PLXNA1: variants seen among roughly 807,000 people sequenced by gnomAD.
PLXNA1 encodes the protein plexin-A1.
In PLXNA1, 77 loss-of-function variants were observed where a neutral mutation model predicts 191.7. The observed-to-expected ratio is 0.40, with a 90% CI of 0.33 to 0.49. PLXNA1 has a LOEUF of 0.49. Among genes scored for constraint, PLXNA1 ranks in the 20% least tolerant of loss-of-function variants. The pLI is 0.63. For missense variants in PLXNA1, 2,110 were observed against 2,660.2 expected (o/e 0.79, Z 4.55); for synonymous variants, 1,137 against 1,156.4 (o/e 0.98, Z 0.34).
chr3:127,011,368 C>T (rs1224957165), intron 9 of PLXNA1, among the ~76,000 whole-genome samples: 1 of 152,176 alleles, frequency 6.6e-6, no homozygotes, highest in Non-Finnish European at 1.5e-5. Flanking sequence ...TGGAAAATCT[C>T]TGCAGAGCTG....
In PLXNA1 at chr3:127,014,200, C is replaced by T. The variant is rs1475759518; in HGVS notation, c.2429C>T (p.Pro810Leu). The T allele has an allele frequency of 2.7e-5, 44 of 1,608,708 alleles. No homozygotes were observed. Among genetic ancestry groups the T allele is most frequent in the Admixed American group, 3.3e-5 (2 of 59,762 alleles). ...CCCACAGCGCACCTCTACAAGTGCC[C>T]GGCCCTGCGCGAGAGCTGCGGCCTC... is the stretch of plus-strand genomic sequence containing the variant. ...QNIQAHLYKC[P>L]ALRESCGLCL... Residue 810 changes from proline (P) to leucine (L), a missense_variant, in exon 12 of 32, where the codon CCG (proline) becomes CTG (leucine). This residue lies in a region of PLXNA1 where 644 missense variants were observed against 714.3 expected (regional missense o/e 0.90). Transcript: ENST00000393409.
intron 15 of PLXNA1, among the ~76,000 whole-genome samples, chr3:127,015,565 TC>T (rs1388806338): frequency 6.6e-6 from 1 of 152,198 alleles, no homozygotes; most frequent in African/African-American, 2.4e-5. Context: ...CCCTGGTTCT[TC>T]CCTGTGGGGA....
In PLXNA1 at chr3:127,029,238, T is replaced by C. The variant is rs2079193511; in HGVS notation, c.4773+142T>C. ...GAGGGGAGGTGGTCACTTATGTGTG[T>C]GGACCGTCCCAGGACTCGAGCTGGG... On this transcript the variant is annotated intron_variant, in intron 26 of 31. Transcript: ENST00000393409. 3 of 809,268 alleles carry C rather than the reference T, an allele frequency of 3.7e-6. No individual in the cohort carries two copies. In the African/African-American group the frequency reaches 5.1e-5, roughly 14 times the overall value. The allele number at this position is 809,268 out of a possible 1,614,324, so 50.1% of individuals were successfully genotyped here. A position where few individuals can be genotyped will look rare whatever the true frequency, so the allele number is the denominator to read the frequency against.
At chr3:127,022,994 C>T (rs1420116790) in intron 23 of PLXNA1, among the ~76,000 whole-genome samples, 176 bp downstream of exon 23, 1 of 152,236 alleles carries the variant, frequency 6.6e-6, no homozygotes, top group African/African-American at 2.4e-5. Flanking sequence ...TCCTGGCTCC[C>T]GGCTCCCTCC....
rs2079097772 is a variant in PLXNA1 at position 127,011,941 on chromosome 3, A to T, written c.2113-17A>T. ...GGTCTCCGCCCCCGGGCTCAGCCAA[A>T]CTCTTCTTATCCCCAGGACTGCCCA... On this transcript the variant is annotated splice_polypyrimidine_tract_variant and intron_variant, in intron 9 of 31. Coordinates refer to ENST00000393409, the MANE Select transcript of PLXNA1 (RefSeq NM_032242.4). The T allele has an allele frequency of 6.2e-7, 1 of 1,606,602 alleles. No homozygotes were observed. The highest frequency in any genetic ancestry group is 1.7e-5 in the Admixed American group (1 of 59,898).
At chr3:126,986,126 G>A (rs904484218) in intron 1 of PLXNA1, among the ~76,000 whole-genome samples, 2 of 152,384 alleles carry the variant, frequency 1.3e-5, no homozygotes, top group South Asian at 4.1e-4. Flanking sequence ...TATCCCAGAG[G>A]AGGGGAGAGC....
chr3:126,997,590 TG>T (rs2079020071), intron 3 of PLXNA1, among the ~76,000 whole-genome samples: 1 of 152,218 alleles, frequency 6.6e-6, no homozygotes, highest in African/African-American at 2.4e-5. Flanking sequence ...CACGGTAACC[TG>T]CCGACATCTG....
intron 1 of PLXNA1, among the ~76,000 whole-genome samples, chr3:126,983,776 T>C (rs2107618312): frequency 6.6e-6 from 1 of 151,798 alleles, no homozygotes; most frequent in African/African-American, 2.4e-5. Flanking sequence ...CTCAGACCTC[T>C]GGCCGCGGGC....
chr3:127,011,922 C>A (rs144300282), intron 9 of PLXNA1, 36 bp from the exon 10 acceptor site: 1 of 1,592,878 alleles, frequency 6.3e-7, no homozygotes, highest in South Asian at 1.1e-5. Context: ...CACTGGTCTC[C>A]GCCCCCGGGC....
At chr3:127,009,795 A>G (rs1470321848) in intron 9 of PLXNA1, among the ~76,000 whole-genome samples, 2 of 152,000 alleles carry the variant, frequency 1.3e-5, no homozygotes, top group African/African-American at 4.8e-5. Flanking sequence ...GTGCATGTTG[A>G]TGGGAAGGGC....
At position 127,017,799 on chromosome 3, in the gene PLXNA1, G is replaced by A. The variant is rs913917460; in HGVS notation, c.3567G>A (p.Thr1189=). 2.5e-5 allele frequency: 40 copies of A among 1,613,036 alleles called. No homozygotes were observed. Among genetic ancestry groups the A allele is most frequent in the Non-Finnish European group, 2.8e-5 (33 of 1,180,012 alleles). Residue 1189 remains threonine (T), a synonymous_variant, in exon 19 of 32, where the codon ACG becomes ACA. Transcript: ENST00000393409. ...PAPGNSRLNY[T]VLIGSTPCTL... is the part of the protein sequence containing the mutation. ...CCGGCAACTCCCGACTCAACTACAC[G>A]GTGCTCATCGGCTCCACACCCTGTA...
intron 29 of PLXNA1, among the ~76,000 whole-genome samples, chr3:127,030,942 G>A (rs942934503): frequency 2.6e-5 from 4 of 152,194 alleles, no homozygotes; most frequent in African/African-American, 9.7e-5. Flanking sequence ...AGCCTGCACC[G>A]TGCACAGCTA....
rs372511113 is a variant in PLXNA1, at chr3:127,005,105, T to G, written c.1759T>G (p.Trp587Gly). 8 of 1,612,640 alleles carry G rather than the reference T, an allele frequency of 5.0e-6. No homozygotes were observed. The African/African-American group carries it at 1.1e-4, about 22-fold the overall frequency. Residue 587 changes from tryptophan (W) to glycine (G), a missense_variant, in exon 7 of 32, where the codon TGG becomes GGG. Around this residue, in one of 4 missense-constraint regions of PLXNA1, gnomAD observed 903 missense variants for 1,015.7 expected, o/e 0.89. Coordinates refer to ENST00000393409, the MANE Select transcript of PLXNA1 (RefSeq NM_032242.4). ...MSQVPLVLQA[W>G]NVPDLSAGVN... is the part of the protein sequence containing the mutation. ...GCCTGCCCAGCTTGTGCTGCAGGCCTGGAACGTGCCTGACCTCTCAGCTGG... is the reference window on the plus strand; with the variant it reads ...GCCTGCCCAGCTTGTGCTGCAGGCCGGGAACGTGCCTGACCTCTCAGCTGG...
At chr3:127,017,948 C>T in intron 19 of PLXNA1, 56 bp downstream of exon 19, 2 of 1,596,572 alleles carry the variant, frequency 1.3e-6, no homozygotes, top group East Asian at 4.5e-5. Flanking sequence ...ACCTGTGGAC[C>T]CTGCCCCACT....
chr3:127,034,045 G>A lies in PLXNA1; in HGVS notation c.*28G>A. 1 of 1,559,356 alleles carries A rather than the reference G, an allele frequency of 6.4e-7. No homozygotes were observed. Among genetic ancestry groups the A allele is most frequent in the Non-Finnish European group, 8.7e-7 (1 of 1,147,848 alleles). ...CCCAGCTGTGATCATCCAGCATGAT[G>A]CAGCGTGAGGACAGCTGAGCAGGGA... On this transcript the variant is annotated 3_prime_UTR_variant, in exon 32 of 32. Coordinates refer to ENST00000393409, the MANE Select transcript of PLXNA1 (RefSeq NM_032242.4).
rs144467495 is a variant in PLXNA1, at chr3:127,016,210, G to A, written c.3015-307G>A. On this transcript the variant is annotated intron_variant, in intron 15 of 31. Coordinates refer to ENST00000393409, the MANE Select transcript of PLXNA1 (RefSeq NM_032242.4). ...GAGGCCTGGTGGGTGTGGAGCCCTG[G>A]CCAGGGTCACCAGGAGTGGGTGTGG... is the stretch of plus-strand genomic sequence containing the variant. Among the ~76,000 whole-genome samples, 1,074 of 152,242 alleles carry A rather than the reference G, an allele frequency of 7.1e-3. 12 individuals carry two copies. Among genetic ancestry groups the A allele is most frequent in the African/African-American group, 0.025 (1,022 of 41,544 alleles).
chr3:127,008,996 C>T (rs1320614844), intron 9 of PLXNA1, among the ~76,000 whole-genome samples: 4 of 152,136 alleles, frequency 2.6e-5, no homozygotes. Flanking sequence ...GGGGTGCGGC[C>T]TGCCTGAAGA....
Position 127,035,709 on chromosome 3 carries a change from C to CATTAAGGGACA in PLXNA1, c.*1692_*1693insATTAAGGGACA, listed in dbSNP as rs1412310681. On this transcript the variant is annotated 3_prime_UTR_variant, in exon 32 of 32. Transcript: ENST00000393409. ...AGATCCCATGGACATTAAGGGACAG[C>CATTAAGGGACA]TAACTGTGGCCAGACTCAGCCCCAT... The CATTAAGGGACA allele has an allele frequency of 1.3e-5, 2 of 152,538 alleles. No homozygotes were observed. Among genetic ancestry groups the CATTAAGGGACA allele is most frequent in the African/African-American group, 4.8e-5 (2 of 41,448 alleles). The allele number at this position is 152,538 out of a possible 1,614,324, so 9.4% of individuals were successfully genotyped here.
intron 23 of PLXNA1, among the ~76,000 whole-genome samples, chr3:127,025,371 G>T (rs1318665018): frequency 1.3e-5 from 2 of 152,142 alleles, no homozygotes; most frequent in African/African-American, 4.8e-5. Flanking sequence ...CTATTTTGAA[G>T]GTTCCTTTAT....
Sources: gnomAD v4.1 joint callset for allele counts (sites outside exome capture counted in the v4.1 genomes callset) on GRCh38, gnomAD v4.1.1 for gene constraint, gnomAD v4.1.1 regional missense constraint, MANE v1.5 for transcripts, NCBI Gene and HGNC (gene_info 2026-07-23, HGNC 2026-07-21) for gene names.